Variants in CCDC175 observed in about 807,000 individuals in gnomAD.
CCDC175 encodes the protein coiled-coil domain containing 175, also known as coiled-coil domain-containing protein 175.
Under a neutral mutation model 114.6 loss-of-function variants are expected in CCDC175, and 100 were observed. The observed-to-expected ratio is 0.87, with a 90% CI of 0.74 to 1.03. The LOEUF (loss-of-function observed/expected upper bound fraction) is 1.03. CCDC175 is among the 50% of genes least tolerant of loss of function. The pLI is 0.00. For missense variants in CCDC175, 880 were observed against 917.8 expected (o/e 0.96, Z 0.53); for synonymous variants, 306 against 308.7 (o/e 0.99, Z 0.09).
intron 4 of CCDC175, among the ~76,000 whole-genome samples, chr14:59,565,665 C>T (rs1896495946): frequency 6.6e-6 from 1 of 151,876 alleles, no homozygotes; most frequent in Admixed American, 6.6e-5. Flanking sequence ...CGAGATCATG[C>T]CACTGCACTC....
At chr14:59,539,954 C>T (rs1894666092) in intron 11 of CCDC175, among the ~76,000 whole-genome samples, 1 of 151,878 alleles carries the variant, frequency 6.6e-6, no homozygotes, top group Non-Finnish European at 1.5e-5. Context: ...GCCGGTAGTC[C>T]TAGCTAATCT....
At chr14:59,542,761 A>G (rs1324164944) in intron 10 of CCDC175, among the ~76,000 whole-genome samples, 1 of 152,140 alleles carries the variant, frequency 6.6e-6, no homozygotes, top group Non-Finnish European at 1.5e-5. Context: ...AAATTCTCCA[A>G]CTGTTAACAT....
intron 3 of CCDC175, among the ~76,000 whole-genome samples, chr14:59,568,622 G>T (rs1016797304): frequency 5.9e-5 from 9 of 152,076 alleles, no homozygotes; most frequent in African/African-American, 2.2e-4. Flanking sequence ...GTCTGATAGT[G>T]CCTGATTCCC....
At chr14:59,567,463 T>C (rs1366779993) in intron 4 of CCDC175, among the ~76,000 whole-genome samples, 1 of 152,216 alleles carries the variant, frequency 6.6e-6, no homozygotes, top group African/African-American at 2.4e-5. Context: ...TTTTCCCCTA[T>C]GATAAGGGCT....
At chr14:59,550,690 TG>T (rs1895413373) in intron 8 of CCDC175, among the ~76,000 whole-genome samples, 1 of 152,116 alleles carries the variant, frequency 6.6e-6, no homozygotes, top group Non-Finnish European at 1.5e-5. Context: ...TGGAATCTGG[TG>T]TTCGAGAGCA....
At chr14:59,530,841 C>A (rs1179458254) in intron 14 of CCDC175, among the ~76,000 whole-genome samples, 4 of 152,146 alleles carry the variant, frequency 2.6e-5, no homozygotes, top group African/African-American at 9.7e-5. Flanking sequence ...CCATTGTAGT[C>A]CTTTCTGTAA....
intron 15 of CCDC175, 50 bp from the exon 16 acceptor site, chr14:59,525,484 A>G: frequency 2.1e-6 from 3 of 1,400,174 alleles, no homozygotes; most frequent in Non-Finnish European, 2.9e-6. Context: ...ACAGTAGGGC[A>G]CGAGGGTATT....
rs962392723 is a variant in CCDC175, at chr14:59,518,073, C to G, written c.2098+3501G>C. Among the ~76,000 whole-genome samples the G allele has an allele frequency of 9.2e-5, 14 of 152,196 alleles. No homozygotes were observed. The South Asian group carries it at 1.2e-3, about 14-fold the overall frequency. ...CTGACAAAAACAAGAAATGGGGAAA[C>G]GATTCCCTATTTAATAATTAGTGCT... On this transcript the variant is annotated intron_variant, in intron 17 of 19. Coordinates refer to ENST00000537690, the MANE Select transcript of CCDC175 (RefSeq NM_001164399.2).
intron 14 of CCDC175, among the ~76,000 whole-genome samples, chr14:59,527,629 T>A (rs531391263): frequency 2.2e-4 from 33 of 152,326 alleles, no homozygotes; most frequent in African/African-American, 4.3e-4. Flanking sequence ...TTCTTTTTAG[T>A]ATAATTTTTG....
intron 7 of CCDC175, among the ~76,000 whole-genome samples, chr14:59,559,648 C>T (rs1375889432): frequency 2.6e-5 from 4 of 152,048 alleles, no homozygotes; most frequent in South Asian, 2.1e-4. Flanking sequence ...GTTGCCTCTC[C>T]CTATCTTCAC....
At position 59,545,242 on chromosome 14, in the gene CCDC175, T is replaced by G. The variant is rs908316097; in HGVS notation, c.1093A>C (p.Lys365Gln). Residue 365 changes from lysine to glutamine, a missense_variant, in exon 9 of 20, where the codon AAA becomes CAA. Coordinates refer to ENST00000537690, the MANE Select transcript of CCDC175 (RefSeq NM_001164399.2). ...MEYKDLREKM[K>Q]TLARQYKIVL... ...ATCTTATATTGTCTGGCAAGAGTTT[T>G]CATTTTCTCTCGTAGGTCTTTGTAT... 6.5e-7 allele frequency: 1 copy of G among 1,536,918 alleles called. No homozygotes were observed. The highest frequency in any genetic ancestry group is 1.4e-5 in the African/African-American group (1 of 73,010).
chr14:59,576,734 C>G lies in CCDC175; in HGVS notation c.42G>C (p.Glu14Asp). The G allele has an allele frequency of 6.8e-7, 1 of 1,474,812 alleles. No individual in the cohort carries two copies. Among genetic ancestry groups the G allele is most frequent in the Non-Finnish European group, 8.9e-7 (1 of 1,121,650 alleles). 91.4% of individuals were successfully genotyped at this position (1,474,812 alleles called of 1,614,324 possible). Residue 14 changes from glutamate to aspartate, a missense_variant, in exon 1 of 20, where the codon GAG becomes GAC. Physicochemically the swap from Glu to Asp is conservative, Grantham distance 45 (BLOSUM62 2). Coordinates refer to ENST00000537690, the MANE Select transcript of CCDC175 (RefSeq NM_001164399.2). Reference sequence around the variant, plus strand: ...AGACGGCAGCCGCCTGCACCAGCTTCTCGCCAGCGCCCAGCCCTGGGGTCC... The same window carrying G: ...AGACGGCAGCCGCCTGCACCAGCTTGTCGCCAGCGCCCAGCCCTGGGGTCC... ...SPWTPGLGAGEKLVQAAAVST... is the reference protein window; with the variant it reads ...SPWTPGLGAGDKLVQAAAVST...
chr14:59,538,572 A>G, intron 12 of CCDC175, 133 bp downstream of exon 12: 1 of 754,468 alleles, frequency 1.3e-6, no homozygotes, highest in Admixed American at 3.3e-5. Flanking sequence ...AGAAAATCAA[A>G]TAACTCACTC....
intron 10 of CCDC175, 50 bp downstream of exon 10, chr14:59,543,294 A>T (rs76011180): frequency 4.6e-6 from 3 of 651,714 alleles, no homozygotes; most frequent in Middle Eastern, 2.5e-4. Context: ...TTATTAAAAA[A>T]TAAATGCAGA....
At chr14:59,534,303 G>A (rs1386691162) in intron 13 of CCDC175, among the ~76,000 whole-genome samples, 1 of 152,114 alleles carries the variant, frequency 6.6e-6, no homozygotes, top group African/African-American at 2.4e-5. Context: ...TGATTCCTAA[G>A]CCACATGCAT....
At chr14:59,549,546 C>A (rs1361842963) in intron 8 of CCDC175, among the ~76,000 whole-genome samples, 3 of 151,032 alleles carry the variant, frequency 2.0e-5, no homozygotes, top group African/African-American at 7.3e-5. Flanking sequence ...ATAATGAAAC[C>A]CTGTCTCTAT....
chr14:59,576,701 G>T lies in CCDC175; in HGVS notation c.75C>A (p.Gly25=). Residue 25 remains glycine, a synonymous_variant, in exon 1 of 20, where the codon GGC becomes GGA. Transcript: ENST00000537690. ...KLVQAAAVST[G]PSLELCTLPS... ...GTAAGGTGCATAACTCCAGGGAGGG[G>T]CCAGTGGAGACGGCAGCCGCCTGCA... 6.7e-7 allele frequency: 1 copy of T among 1,487,526 alleles called. No homozygotes were observed. Among genetic ancestry groups the T allele is most frequent in the Non-Finnish European group, 8.9e-7 (1 of 1,126,446 alleles). The allele number at this position is 1,487,526 out of a possible 1,614,324, so 92.1% of individuals were successfully genotyped here. A position where few individuals can be genotyped will look rare whatever the true frequency, so the allele number is the denominator to read the frequency against.
intron 8 of CCDC175, among the ~76,000 whole-genome samples, chr14:59,550,693 T>C (rs1439937361): frequency 6.6e-6 from 1 of 152,112 alleles, no homozygotes; most frequent in Non-Finnish European, 1.5e-5. Context: ...AATCTGGTGT[T>C]CGAGAGCAGG....
chr14:59,527,166 G>A lies in CCDC175; in HGVS notation c.1771C>T (p.Gln591Ter), dbSNP rs1893794072. ...ELSNIITAQR[Q>*]EEDLLNNHIF... ...TGATTGTTCAGTAAATCTTCCTCCT[G>A]TCTTTGTGCTATTAAAACAAAGAAA... is the stretch of plus-strand genomic sequence containing the variant. Residue 591 changes from glutamine to a stop codon, truncating the protein, a stop_gained, in exon 15 of 20, where the codon CAG (glutamine) becomes TAG (stop). Transcript: ENST00000537690. LOFTEE classifies it high-confidence loss of function. 1 of 1,485,218 alleles carries A rather than the reference G, an allele frequency of 6.7e-7. No individual in the cohort carries two copies. Among genetic ancestry groups the A allele is most frequent in the Non-Finnish European group, 8.9e-7 (1 of 1,122,254 alleles). 92.0% of individuals were successfully genotyped at this position (1,485,218 alleles called of 1,614,324 possible). A position where few individuals can be genotyped will look rare whatever the true frequency, so the allele number is the denominator to read the frequency against.
Sources: allele counts gnomAD v4.1 joint callset (sites outside exome capture counted in the v4.1 genomes callset), GRCh38; gene constraint gnomAD v4.1.1; transcripts MANE v1.5; gene names NCBI Gene and HGNC (gene_info 2026-07-23, HGNC 2026-07-21).